The following LRP1B variants were observed in gnomAD, a reference collection of about 807,000 sequenced individuals.
The protein encoded by LRP1B is low-density lipoprotein receptor-related protein 1B.
Under a neutral mutation model 556.6 loss-of-function variants are expected in LRP1B, and 217 were observed. The ratio of observed to expected loss-of-function variants is 0.39; its 90% confidence interval spans 0.35 to 0.44. The LOEUF is 0.44. Among genes scored for constraint, LRP1B ranks in the 20% least tolerant of loss-of-function variants. The pLI is 1.00. For synonymous variants in LRP1B, 2,047 were observed against 1,865.8 expected, an observed-to-expected ratio of 1.10 and a Z score of -2.50; for missense variants, 5,053 against 5,620.8, an observed-to-expected ratio of 0.90 and a Z score of 3.23.
At chr2:141,817,767 T>C (rs1244786858) in intron 1 of LRP1B, among the ~76,000 whole-genome samples, 3 of 152,176 alleles carry the variant, frequency 2.0e-5, no homozygotes, top group African/African-American at 7.2e-5. Context: ...GTTCACTTGT[T>C]ATACTAATGT....
chr2:140,365,797 G>T (rs1035849417), intron 71 of LRP1B, among the ~76,000 whole-genome samples: 1 of 151,612 alleles, frequency 6.6e-6, no homozygotes, highest in Non-Finnish European at 1.5e-5. Context: ...GGGTTGTCTA[G>T]ATTTGACTTA....
At chr2:140,284,299 C>CCT (rs1683033638) in intron 84 of LRP1B, among the ~76,000 whole-genome samples, 1 of 127,130 alleles carries the variant, frequency 7.9e-6, no homozygotes, top group Non-Finnish European at 1.7e-5. Flanking sequence ...GGCTTCCCCC[C>CCT]CTCCCCCCCA....
At chr2:140,910,402 C>T (rs1204580611) in intron 21 of LRP1B, among the ~76,000 whole-genome samples, 1 of 151,482 alleles carries the variant, frequency 6.6e-6, no homozygotes, top group Non-Finnish European at 1.5e-5. Context: ...ATAATATATT[C>T]CAGACATATC....
chr2:141,501,442 G>T (rs1427945010), intron 2 of LRP1B, among the ~76,000 whole-genome samples: 1 of 152,110 alleles, frequency 6.6e-6, no homozygotes, highest in Non-Finnish European at 1.5e-5. Context: ...AGAAAATACA[G>T]CAGCCTGTAA....
intron 35 of LRP1B, among the ~76,000 whole-genome samples, chr2:140,750,355 T>A (rs1277894971): frequency 2.0e-5 from 3 of 152,172 alleles, no homozygotes; most frequent in Admixed American, 1.3e-4. Flanking sequence ...TAAACAAATG[T>A]ATAAAAGTTA....
At chr2:140,247,044 A>G (rs778749245) in intron 87 of LRP1B, 42 bp downstream of exon 87, 7 of 1,350,896 alleles carry the variant, frequency 5.2e-6, no homozygotes, top group Admixed American at 1.7e-5. Flanking sequence ...AATGATTTAT[A>G]TACAGTGTAG....
At chr2:141,325,584 T>G (rs1266755943) in intron 3 of LRP1B, among the ~76,000 whole-genome samples, 1 of 152,122 alleles carries the variant, frequency 6.6e-6, no homozygotes, top group African/African-American at 2.4e-5. Flanking sequence ...AGCTGGTCTT[T>G]GTATTCCATT....
chr2:141,997,442 TATACACACACACAC>T (rs1702529290), intron 1 of LRP1B, among the ~76,000 whole-genome samples: 1 of 12,080 alleles, frequency 8.3e-5, no homozygotes, highest in African/African-American at 1.1e-4. Context: ...TGTGTGTGTA[TATACACACACACAC>T]ACACACACAC....
intron 84 of LRP1B, among the ~76,000 whole-genome samples, chr2:140,278,523 A>G (rs1484982747): frequency 6.6e-6 from 1 of 152,000 alleles, no homozygotes; most frequent in East Asian, 1.9e-4. Context: ...GCTTTACAGA[A>G]AATCCTTCAC....
chr2:141,523,091 A>G (rs1684580790), intron 2 of LRP1B, among the ~76,000 whole-genome samples: 1 of 152,174 alleles, frequency 6.6e-6, no homozygotes, highest in African/African-American at 2.4e-5. Context: ...CATTAAGGTC[A>G]TGGTAGAAAC....
intron 79 of LRP1B, among the ~76,000 whole-genome samples, chr2:140,329,792 C>A (rs1306268635): frequency 6.6e-6 from 1 of 151,490 alleles, no homozygotes; most frequent in African/African-American, 2.4e-5. Context: ...TAGAAAGAAT[C>A]AATATTGTGA....
At chr2:141,518,511 G>C (rs1395008039) in intron 2 of LRP1B, among the ~76,000 whole-genome samples, 2 of 152,116 alleles carry the variant, frequency 1.3e-5, no homozygotes, top group Non-Finnish European at 2.9e-5. Context: ...GCAAAAATGT[G>C]TTGCTACAGA....
chr2:142,041,806 T>C (rs1266458803), intron 1 of LRP1B, among the ~76,000 whole-genome samples: 10 of 151,536 alleles, frequency 6.6e-5, no homozygotes, highest in Non-Finnish European at 3.0e-5. Flanking sequence ...AGGTTACTTT[T>C]GCAAAGGTAT....
At chr2:141,271,569 C>T (rs1420965349) in intron 3 of LRP1B, among the ~76,000 whole-genome samples, 1 of 151,672 alleles carries the variant, frequency 6.6e-6, no homozygotes, top group Non-Finnish European at 1.5e-5. Context: ...GGTCAAAAGG[C>T]AGTTGGATAA....
intron 32 of LRP1B, among the ~76,000 whole-genome samples, chr2:140,801,179 AG>A (rs1361452938): frequency 6.6e-6 from 1 of 152,188 alleles, no homozygotes; most frequent in Non-Finnish European, 1.5e-5. Flanking sequence ...CAAATTATGG[AG>A]AAGCGAGACC....
intron 2 of LRP1B, among the ~76,000 whole-genome samples, chr2:141,523,197 T>C (rs1684584553): frequency 1.3e-5 from 2 of 152,302 alleles, no homozygotes; most frequent in East Asian, 1.9e-4. Flanking sequence ...GAAATGATTA[T>C]AACATTAAAC....
At chr2:141,930,956 T>G (rs898519063) in intron 1 of LRP1B, among the ~76,000 whole-genome samples, 6 of 152,072 alleles carry the variant, frequency 3.9e-5, no homozygotes, top group Non-Finnish European at 5.9e-5. Context: ...TTCAGTTTCC[T>G]AGAGACTTCA....
chr2:141,795,370 G>A lies in LRP1B; in HGVS notation c.205+14909C>T, dbSNP rs140066118. On this transcript the variant is annotated intron_variant, in intron 2 of 90. Coordinates refer to ENST00000389484, the MANE Select transcript of LRP1B (RefSeq NM_018557.3). ...TCTTTATAAAAAAATATTATGTTGT[G>A]TGTACATGCATGTGTGTGTTTGCAC... 2.0e-3 allele frequency among the ~76,000 whole-genome samples: 305 copies of A among 152,110 alleles called. 6 individuals carry two copies. The highest frequency in any genetic ancestry group is 0.015 in the Admixed American group (236 of 15,258).
chr2:140,726,994 T>C (rs191758131), intron 35 of LRP1B, among the ~76,000 whole-genome samples: 2 of 152,262 alleles, frequency 1.3e-5, no homozygotes, highest in African/African-American at 2.4e-5. Flanking sequence ...CTCTAGAGAA[T>C]GGCTAGGATA....
Sources: allele counts gnomAD v4.1 joint callset (sites outside exome capture counted in the v4.1 genomes callset), GRCh38; gene constraint gnomAD v4.1.1; transcripts MANE v1.5; gene names NCBI Gene and HGNC (gene_info 2026-07-23, HGNC 2026-07-21).